The following ARFIP1 variants were observed in gnomAD, a reference collection of about 807,000 sequenced individuals.
ARFIP1 encodes the protein ARF interacting protein 1.
ARFIP1 carries 24 observed loss-of-function variants against 42.5 expected under a neutral mutation model. The ratio of observed to expected loss-of-function variants is 0.57; its 90% CI spans 0.41 to 0.80. The LOEUF is 0.80. Among genes scored for constraint, ARFIP1 ranks in the 30% least tolerant of loss-of-function variants. The pLI, the probability that ARFIP1 is intolerant of heterozygous loss-of-function variation, is 0.00. For missense variants in ARFIP1, 354 were observed against 434.0 expected (o/e 0.82, Z 1.64); for synonymous variants, 141 against 153.7 (o/e 0.92, Z 0.61).
At chr4:152,841,424 T>G (rs1732069166) in intron 2 of ARFIP1, among the ~76,000 whole-genome samples, 2 of 152,234 alleles carry the variant, frequency 1.3e-5, no homozygotes, top group Non-Finnish European at 2.9e-5. Flanking sequence ...TTGTGCTCTT[T>G]GTTGCCTGTG....
intron 1 of ARFIP1, among the ~76,000 whole-genome samples, chr4:152,815,635 CTT>C (rs1409282184): frequency 6.6e-6 from 1 of 151,932 alleles, no homozygotes; most frequent in Non-Finnish European, 1.5e-5. Context: ...AGCCAAAACT[CTT>C]GAGAGTTATC....
At chr4:152,834,137 A>G (rs1731463008) in intron 2 of ARFIP1, among the ~76,000 whole-genome samples, 1 of 152,170 alleles carries the variant, frequency 6.6e-6, no homozygotes, top group Non-Finnish European at 1.5e-5. Context: ...CTAACTGAGC[A>G]AGAACTCACC....
chr4:152,880,755 A>G (rs1239658999), intron 5 of ARFIP1, among the ~76,000 whole-genome samples: 2 of 152,218 alleles, frequency 1.3e-5, no homozygotes. Context: ...TTTGCTAGAT[A>G]TGTCTTAAAA....
intron 2 of ARFIP1, among the ~76,000 whole-genome samples, chr4:152,856,211 T>A (rs965891963): frequency 6.6e-6 from 1 of 152,234 alleles, no homozygotes; most frequent in African/African-American, 2.4e-5. Context: ...CAGATAGTAC[T>A]GCTATTATAT....
At chr4:152,890,911 T>C (rs375366038) in intron 8 of ARFIP1, among the ~76,000 whole-genome samples, 128 of 152,356 alleles carry the variant, frequency 8.4e-4, no homozygotes, top group East Asian at 4.8e-3. Flanking sequence ...CTTCGTCTTT[T>C]TGGGCTGCTG....
rs568990816 is a variant in ARFIP1, at chr4:152,865,337, A to C, written c.202+1623A>C. Among the ~76,000 whole-genome samples the C allele has an allele frequency of 1.6e-4, 24 of 151,968 alleles. 1 individual carries two copies. Among genetic ancestry groups the C allele is most frequent in the Non-Finnish European group, 2.6e-4 (18 of 67,978 alleles). On this transcript the variant is annotated intron_variant, in intron 3 of 8. Transcript: ENST00000353617. ...TTTTTAGTAGAGACGGGGTTTCACT[A>C]TGTTGGCCAGGCTGGTCTCCAACTC...
intron 2 of ARFIP1, among the ~76,000 whole-genome samples, chr4:152,861,209 A>G (rs1471044492): frequency 6.6e-6 from 1 of 152,190 alleles, no homozygotes; most frequent in Non-Finnish European, 1.5e-5. Flanking sequence ...CCTAATCGTA[A>G]TATAGTCCCA....
intron 5 of ARFIP1, among the ~76,000 whole-genome samples, chr4:152,875,182 G>A (rs1735219058): frequency 6.6e-6 from 1 of 151,988 alleles, no homozygotes; most frequent in Non-Finnish European, 1.5e-5. Flanking sequence ...TTTAGGTTTA[G>A]ACATTGAACC....
intron 8 of ARFIP1, among the ~76,000 whole-genome samples, chr4:152,889,930 T>C (rs1044670976): frequency 2.1e-5 from 3 of 140,614 alleles, no homozygotes; most frequent in South Asian, 4.3e-4. Context: ...GTATGTATAC[T>C]ATACATACAC....
At chr4:152,836,293 C>A (rs1731643455) in intron 2 of ARFIP1, among the ~76,000 whole-genome samples, 1 of 152,018 alleles carries the variant, frequency 6.6e-6, no homozygotes, top group Non-Finnish European at 1.5e-5. Context: ...CCCACACATA[C>A]AAATAAAAAT....
chr4:152,790,125 A>G (rs1477077620), intron 1 of ARFIP1, among the ~76,000 whole-genome samples: 4 of 152,190 alleles, frequency 2.6e-5, no homozygotes, highest in East Asian at 3.8e-4. Flanking sequence ...GTAACTATAT[A>G]TATGTTAAGC....
chr4:152,907,770 A>C (rs918265386), intron 8 of ARFIP1, among the ~76,000 whole-genome samples: 4 of 152,278 alleles, frequency 2.6e-5, no homozygotes, highest in Admixed American at 6.5e-5. Context: ...AGACCACTCT[A>C]TCTGTTCTCC....
At chr4:152,888,015 T>G in intron 7 of ARFIP1, 118 bp from the exon 8 acceptor site, 1 of 650,812 alleles carries the variant, frequency 1.5e-6, no homozygotes, top group Non-Finnish European at 2.3e-6. Context: ...AGAATATGTG[T>G]GAGAATTTTA....
chr4:152,902,403 G>T (rs779242978), intron 8 of ARFIP1, among the ~76,000 whole-genome samples: 8 of 152,196 alleles, frequency 5.3e-5, no homozygotes, highest in Non-Finnish European at 1.0e-4. Flanking sequence ...TCAGGAGGCT[G>T]AGGTAGGAGG....
chr4:152,864,617 C>T (rs1222309899), intron 3 of ARFIP1, among the ~76,000 whole-genome samples: 1 of 152,206 alleles, frequency 6.6e-6, no homozygotes, highest in Non-Finnish European at 1.5e-5. Flanking sequence ...GGGCTGATCA[C>T]ATAGGTTTCT....
intron 8 of ARFIP1, among the ~76,000 whole-genome samples, chr4:152,893,410 GT>G (rs11366397): frequency 0.15 from 22,322 of 148,944 alleles, 2,852 homozygotes; most frequent in African/African-American, 0.34. Context: ...AGCAACTCAT[GT>G]TTTTTTTTTA....
chr4:152,904,133 T>A (rs1738083533), intron 8 of ARFIP1, among the ~76,000 whole-genome samples: 1 of 150,326 alleles, frequency 6.7e-6, no homozygotes, highest in Non-Finnish European at 1.5e-5. Context: ...GCCATGATGG[T>A]TTGCTGCACC....
chr4:152,848,716 G>A (rs999766760), intron 2 of ARFIP1, among the ~76,000 whole-genome samples: 36 of 152,312 alleles, frequency 2.4e-4, no homozygotes, highest in Non-Finnish European at 5.0e-4. Flanking sequence ...CAGAGATAGT[G>A]TGTATACACA....
chr4:152,781,983 G>A (rs1485466035), intron 1 of ARFIP1, among the ~76,000 whole-genome samples: 1 of 152,194 alleles, frequency 6.6e-6, no homozygotes, highest in Non-Finnish European at 1.5e-5. Context: ...GAGATATACA[G>A]CCTCTTGATA....
Sources: allele counts gnomAD v4.1 joint callset (sites outside exome capture counted in the v4.1 genomes callset), GRCh38; gene constraint gnomAD v4.1.1; transcripts MANE v1.5; gene names NCBI Gene and HGNC (gene_info 2026-07-23, HGNC 2026-07-21).